Variants in SNTG1 observed in about 807,000 individuals in gnomAD.
SNTG1 encodes the protein syntrophin gamma 1.
SNTG1 carries 39 observed loss-of-function variants against 74.7 expected under a neutral mutation model. That is an observed-to-expected ratio of 0.52 (90% CI 0.40 to 0.68). The LOEUF is 0.68. SNTG1 is among the 30% of genes least tolerant of loss of function. SNTG1 has a pLI of 0.00. For missense variants in SNTG1, 685 were observed against 609.5 expected, an observed-to-expected ratio of 1.12 and a Z score of -1.30; for synonymous variants, 254 against 217.1, an observed-to-expected ratio of 1.17 and a Z score of -1.49.
chr8:49,960,990 T>C (rs1390052946), intron 1 of SNTG1, among the ~76,000 whole-genome samples: 1 of 152,204 alleles, frequency 6.6e-6, no homozygotes, highest in Non-Finnish European at 1.5e-5. Context: ...AAATGTGCTT[T>C]TATTGAAATA....
chr8:49,943,790 C>T (rs1563377459), intron 1 of SNTG1, among the ~76,000 whole-genome samples: 1 of 152,266 alleles, frequency 6.6e-6, no homozygotes, highest in East Asian at 1.9e-4. Context: ...ACTTTTATAT[C>T]ACAATGTATT....
intron 15 of SNTG1, among the ~76,000 whole-genome samples, chr8:50,682,210 G>A (rs950611433): frequency 1.3e-5 from 2 of 152,152 alleles, no homozygotes; most frequent in African/African-American, 4.8e-5. Context: ...TCTTATTCCT[G>A]ATGTAGGTAG....
intron 1 of SNTG1, among the ~76,000 whole-genome samples, chr8:50,109,862 G>A (rs1760192496): frequency 6.6e-6 from 1 of 152,174 alleles, no homozygotes; most frequent in Non-Finnish European, 1.5e-5. Context: ...GTCTGCATGG[G>A]CTTTTTATAA....
intron 18 of SNTG1, among the ~76,000 whole-genome samples, chr8:50,758,740 G>A (rs2095588465): frequency 6.6e-6 from 1 of 152,004 alleles, no homozygotes; most frequent in East Asian, 1.9e-4. Context: ...CATATGGGTT[G>A]GTTCCAAGTC....
chr8:50,648,266 T>C lies in SNTG1; in HGVS notation c.850-8643T>C, dbSNP rs766420129. Among the ~76,000 whole-genome samples the C allele has an allele frequency of 9.9e-5, 15 of 152,284 alleles. No homozygotes were observed. The South Asian group carries it at 1.4e-3, about 15-fold the overall frequency. On this transcript the variant is annotated intron_variant, in intron 13 of 18. Transcript: ENST00000642720. ...GATGATATTTCTGGAAGAATAATAG[T>C]ACACCACCCTTAATATTTCAGCCTG...
At chr8:50,412,336 C>A (rs537371789) in intron 4 of SNTG1, among the ~76,000 whole-genome samples, 1 of 152,072 alleles carries the variant, frequency 6.6e-6, no homozygotes, top group Non-Finnish European at 1.5e-5. Context: ...TTCTGTGGGG[C>A]ACTAAAGGTG....
At chr8:50,291,988 G>GGTGT (rs148005020) in intron 2 of SNTG1, among the ~76,000 whole-genome samples, 4 of 150,182 alleles carry the variant, frequency 2.7e-5, no homozygotes, top group African/African-American at 9.8e-5. Flanking sequence ...AATGAGGAAA[G>GGTGT]GTGTGTGTGT....
At chr8:50,751,490 G>T (rs570407900) in intron 17 of SNTG1, among the ~76,000 whole-genome samples, 1 of 152,000 alleles carries the variant, frequency 6.6e-6, no homozygotes, top group African/African-American at 2.4e-5. Context: ...TCTGAAAGAG[G>T]CTCTACTTTC....
At chr8:49,922,988 G>T (rs1042119853) in intron 1 of SNTG1, among the ~76,000 whole-genome samples, 16 of 152,034 alleles carry the variant, frequency 1.1e-4, no homozygotes, top group African/African-American at 3.6e-4. Context: ...GCTATTTCCT[G>T]CTGTGGTAGA....
chr8:50,559,239 A>G (rs2094473465), intron 12 of SNTG1, among the ~76,000 whole-genome samples: 1 of 152,218 alleles, frequency 6.6e-6, no homozygotes, highest in Admixed American at 6.5e-5. Flanking sequence ...TAGTGTTTAG[A>G]TAAATAAACA....
intron 8 of SNTG1, among the ~76,000 whole-genome samples, chr8:50,484,675 C>T (rs1020346415): frequency 6.6e-6 from 1 of 151,516 alleles, no homozygotes; most frequent in African/African-American, 2.4e-5. Flanking sequence ...GCCTGTCCAA[C>T]AGGAAGAAAC....
intron 11 of SNTG1, among the ~76,000 whole-genome samples, chr8:50,538,824 C>T (rs1316582806): frequency 6.6e-6 from 1 of 152,082 alleles, no homozygotes; most frequent in Non-Finnish European, 1.5e-5. Flanking sequence ...CAAATATTAA[C>T]CCTTTTATTA....
chr8:50,670,441 A>C lies in SNTG1; in HGVS notation c.1038+11778A>C, dbSNP rs552600941. 4.6e-5 allele frequency among the ~76,000 whole-genome samples: 7 copies of C among 151,922 alleles called. No individual in the cohort carries two copies. In the South Asian group the frequency reaches 1.5e-3, roughly 32 times the overall value. On this transcript the variant is annotated intron_variant, in intron 15 of 18. Transcript: ENST00000642720. The stretch of plus-strand genomic sequence containing the variant: ...AAATCTTGAGGGAACTCCCATTCAC[A>C]ATTGCTTCAAAGAGAATAAAATACC...
At chr8:50,725,280 G>A (rs1387017159) in intron 17 of SNTG1, among the ~76,000 whole-genome samples, 1 of 152,046 alleles carries the variant, frequency 6.6e-6, no homozygotes, top group Non-Finnish European at 1.5e-5. Context: ...CATGGTGAAT[G>A]GGTGAACATT....
intron 1 of SNTG1, among the ~76,000 whole-genome samples, chr8:50,016,873 T>C (rs915143346): frequency 6.6e-6 from 1 of 152,128 alleles, no homozygotes; most frequent in Non-Finnish European, 1.5e-5. Context: ...GCAATGAGTT[T>C]GCACCAACTA....
chr8:50,014,817 CCA>C, intron 1 of SNTG1, among the ~76,000 whole-genome samples: 1 of 151,968 alleles, frequency 6.6e-6, no homozygotes, highest in Admixed American at 6.6e-5. Flanking sequence ...ATCTCAGTGG[CCA>C]CACACAGCAG....
At chr8:50,135,261 A>T (rs72639900) in intron 1 of SNTG1, among the ~76,000 whole-genome samples, 110 of 152,322 alleles carry the variant, frequency 7.2e-4, no homozygotes, top group Middle Eastern at 3.4e-3. Flanking sequence ...TCCTATGTGA[A>T]TACTTGAATC....
At chr8:50,440,933 A>G (rs1049019692) in intron 5 of SNTG1, among the ~76,000 whole-genome samples, 3 of 152,212 alleles carry the variant, frequency 2.0e-5, no homozygotes, top group Admixed American at 2.0e-4. Flanking sequence ...AGGGTAATGA[A>G]TGTCCTTTTT....
chr8:50,290,025 G>A (rs142099883), intron 2 of SNTG1, among the ~76,000 whole-genome samples: 18 of 152,254 alleles, frequency 1.2e-4, no homozygotes, highest in East Asian at 1.9e-4. Flanking sequence ...GTACAATTAC[G>A]TTATTTTCAA....
Sources: gnomAD v4.1 joint callset for allele counts (sites outside exome capture counted in the v4.1 genomes callset) on GRCh38, gnomAD v4.1.1 for gene constraint, MANE v1.5 for transcripts, NCBI Gene and HGNC (gene_info 2026-07-23, HGNC 2026-07-21) for gene names.